The following SPATA31H1 variants were observed in gnomAD, a reference collection of about 807,000 sequenced individuals.
SPATA31H1 encodes spermatogenesis-associated protein 31H1.
chr2:27,570,982 T>G, the SPATA31H1 span: 3 of 398,662 alleles, frequency 7.5e-6, no homozygotes, highest in Non-Finnish European at 1.3e-5. Context: ...TCTTCTGAAT[T>G]GATACAAAGA....
chr2:27,546,820 C>A, the SPATA31H1 span, among the ~76,000 whole-genome samples: 11 of 151,894 alleles, frequency 7.2e-5, no homozygotes, highest in Non-Finnish European at 1.3e-4. Flanking sequence ...GCATAAGCCA[C>A]CATGCCTGGC....
chr2:27,578,396 A>G, the SPATA31H1 span: 3 of 1,614,064 alleles, frequency 1.9e-6, no homozygotes, highest in Admixed American at 1.7e-5. Context: ...AGTTAGCACC[A>G]GGACCAATTC....
the SPATA31H1 span, chr2:27,581,895 C>G: frequency 1.2e-6 from 2 of 1,611,118 alleles, no homozygotes; most frequent in South Asian, 1.1e-5. Context: ...GAGAAGACAT[C>G]GCAGTCCCTC....
the SPATA31H1 span, chr2:27,577,686 G>A: frequency 3.1e-6 from 5 of 1,614,052 alleles, no homozygotes; most frequent in Non-Finnish European, 4.2e-6. The surrounding 1 kb of genome is among the most constrained non-coding windows in gnomAD (Gnocchi z 4.5). Context: ...AGGAGTGCAG[G>A]TAGAGAAAAC....
the SPATA31H1 span, chr2:27,579,499 G>T: frequency 6.2e-7 from 1 of 1,614,208 alleles, no homozygotes; most frequent in Non-Finnish European, 8.5e-7. Context: ...ATGGCCTTAA[G>T]GATATGGACA....
the SPATA31H1 span, among the ~76,000 whole-genome samples, chr2:27,546,097 C>A: frequency 1.3e-5 from 2 of 151,922 alleles, no homozygotes; most frequent in Admixed American, 1.3e-4. Context: ...AGTCCTTTGC[C>A]AGATAAAGGT....
the SPATA31H1 span, chr2:27,581,786 T>A: frequency 4.7e-5 from 75 of 1,608,694 alleles, no homozygotes; most frequent in Non-Finnish European, 6.0e-5. Context: ...ACAGTCCCTC[T>A]GAGAGAAGCC....
chr2:27,567,090 C>T, the SPATA31H1 span: 4 of 714,174 alleles, frequency 5.6e-6, no homozygotes, highest in South Asian at 6.0e-5. Context: ...ACCCTTACAA[C>T]CTCAGAGCTC....
At chr2:27,548,602 T>C in the SPATA31H1 span, among the ~76,000 whole-genome samples, 2 of 135,958 alleles carry the variant, frequency 1.5e-5, no homozygotes, top group South Asian at 2.3e-4. Flanking sequence ...AGCCAGGCCC[T>C]GTTTCAAAAA....
At chr2:27,565,682 A>C in the SPATA31H1 span, among the ~76,000 whole-genome samples, 1 of 152,222 alleles carries the variant, frequency 6.6e-6, no homozygotes, top group African/African-American at 2.4e-5. Flanking sequence ...GTAACTACCA[A>C]GAGTTTGGTG....
chr2:27,555,117 A>G, the SPATA31H1 span, among the ~76,000 whole-genome samples: 2,478 of 152,020 alleles, frequency 0.016, 98 homozygotes, highest in African/African-American at 0.054. Context: ...GATTATGTCA[A>G]ATGCTTTTTT....
At chr2:27,577,649 T>A in the SPATA31H1 span, 1 of 1,614,088 alleles carries the variant, frequency 6.2e-7, no homozygotes, top group Non-Finnish European at 8.5e-7. This position sits in a 1 kb window ranked among gnomAD's most constrained non-coding sequence, Gnocchi z 4.5. Flanking sequence ...ATCGAGTTCC[T>A]GAATCTGTGG....
chr2:27,567,655 A>G, the SPATA31H1 span: 2 of 400,928 alleles, frequency 5.0e-6, no homozygotes, highest in Admixed American at 8.6e-5. Flanking sequence ...AGAAGTTTAG[A>G]ACTTAATGTA....
At chr2:27,576,791 C>T in the SPATA31H1 span, 46 of 1,613,942 alleles carry the variant, frequency 2.9e-5, no homozygotes, top group African/African-American at 2.8e-4. Flanking sequence ...AGTTGCAAAG[C>T]GTAAAACATG....
chr2:27,576,762 G>A, the SPATA31H1 span: 2 of 1,613,942 alleles, frequency 1.2e-6, no homozygotes. Context: ...GAAATCTTTG[G>A]AGTTTACTGT....
At chr2:27,568,255 C>G in the SPATA31H1 span, 2 of 398,764 alleles carry the variant, frequency 5.0e-6, no homozygotes, top group Admixed American at 4.4e-5. Flanking sequence ...GACACAAAAC[C>G]AGAAAAGATG....
At chr2:27,579,893 T>G in the SPATA31H1 span, 1 of 1,614,160 alleles carries the variant, frequency 6.2e-7, no homozygotes, top group Non-Finnish European at 8.5e-7. Context: ...CCGATGTGCC[T>G]CCACCTCTAG....
At chr2:27,565,492 G>A in the SPATA31H1 span, 1 of 696,432 alleles carries the variant, frequency 1.4e-6, no homozygotes, top group Non-Finnish European at 2.7e-6. Context: ...TGAAAAAGAG[G>A]ATGTAAATGG....
chr2:27,571,665 G>A, the SPATA31H1 span: 1 of 398,484 alleles, frequency 2.5e-6, no homozygotes, highest in Non-Finnish European at 4.4e-6. Flanking sequence ...GCTACAAAGT[G>A]TGAAACCTGA....
Sources: allele counts gnomAD v4.1 joint callset (sites outside exome capture counted in the v4.1 genomes callset), GRCh38; gene constraint gnomAD v4.1.1; non-coding constraint Gnocchi (gnomAD v3.1); transcripts MANE v1.5; gene names NCBI Gene and HGNC (gene_info 2026-07-23, HGNC 2026-07-21).